TRIM48: variants seen among roughly 807,000 people sequenced by gnomAD.
The protein encoded by TRIM48 is E3 ubiquitin-protein ligase TRIM48.
A neutral mutation model predicts 29.5 loss-of-function variants in TRIM48; 31 were observed. The ratio of observed to expected loss-of-function variants is 1.05; its 90% CI spans 0.79 to 1.42. TRIM48 has a LOEUF of 1.42. Ranked by LOEUF, TRIM48 falls within the 40% of genes most tolerant of loss-of-function variation. The probability of loss-of-function intolerance (pLI) is 0.00; values close to 1 mark genes in which losing one functional copy is unlikely to be tolerated. For synonymous variants in TRIM48, 128 were observed against 90.6 expected, an observed-to-expected ratio of 1.41 and a Z score of -2.34; for missense variants, 344 against 265.0, an observed-to-expected ratio of 1.30 and a Z score of -2.07.
intron 4 of TRIM48, 150 bp downstream of exon 4, chr11:55,268,522 C>G (rs1705936432): frequency 1.4e-6 from 1 of 715,096 alleles, no homozygotes; most frequent in Admixed American, 3.0e-5. Flanking sequence ...AAGACAAGAC[C>G]ACTAAGTAAA....
rs543509239 is a variant in TRIM48, at chr11:55,270,326, C to T, written c.*2-111C>T. ...AAGCAAAAGTGTCCTTGTGACTTTA[C>T]GTTTCCTGGTAAATTAACTTTTTGA... On this transcript the variant is annotated intron_variant, in intron 5 of 5. Coordinates refer to ENST00000417545, the MANE Select transcript of TRIM48 (RefSeq NM_024114.5). The T allele has an allele frequency of 9.0e-5, 77 of 854,904 alleles. 10 individuals are homozygous for T. The highest frequency in any genetic ancestry group is 7.6e-4 in the African/African-American group (44 of 57,838). 53.0% of individuals were successfully genotyped at this position (854,904 alleles called of 1,614,324 possible).
At chr11:55,265,725 G>A in intron 3 of TRIM48, 30 bp downstream of exon 3, 3 of 1,562,172 alleles carry the variant, frequency 1.9e-6, no homozygotes, top group Non-Finnish European at 2.6e-6. Context: ...ACCTTCTCCA[G>A]GAACTTATGG....
At chr11:55,268,448 G>T (rs368204051) in intron 4 of TRIM48, 76 bp downstream of exon 4, 3 of 1,373,102 alleles carry the variant, frequency 2.2e-6, no homozygotes, top group East Asian at 5.3e-5. Flanking sequence ...CCAAAGTCAT[G>T]GCATAAACGA....
Position 55,267,508 on chromosome 11 carries a change from G to T in TRIM48, c.556-842G>T. Reference sequence around the variant, plus strand: ...AACATAATTTGGAGATGCTGAAAAAGAAGGGAAAAGATATTTTTCATCAAC... The same window carrying T: ...AACATAATTTGGAGATGCTGAAAAATAAGGGAAAAGATATTTTTCATCAAC... On this transcript the variant is annotated intron_variant, in intron 3 of 5. Coordinates refer to ENST00000417545, the MANE Select transcript of TRIM48 (RefSeq NM_024114.5). 4.4e-6 allele frequency: 7 copies of T among 1,579,414 alleles called. 2 individuals are homozygous for T.
chr11:55,265,466 G>A (rs1857378294), intron 2 of TRIM48, 134 bp from the exon 3 acceptor site: 2 of 1,481,858 alleles, frequency 1.3e-6, no homozygotes, highest in Non-Finnish European at 1.8e-6. Context: ...GATTTGACGA[G>A]GAAGAAGTGA....
intron 1 of TRIM48, 51 bp downstream of exon 1, chr11:55,262,362 A>G: frequency 7.6e-7 from 1 of 1,311,352 alleles, no homozygotes; most frequent in South Asian, 1.3e-5. Context: ...TTTACAAAAT[A>G]ATAAATTAGA....
chr11:55,270,048 T>A lies in TRIM48; in HGVS notation c.*2-389T>A, dbSNP rs146293118. Among the ~76,000 whole-genome samples, 2 of 147,806 alleles carry A rather than the reference T, an allele frequency of 1.4e-5. 1 individual carries two copies. The highest frequency in any genetic ancestry group is 4.9e-4 in the South Asian group (2 of 4,116). On this transcript the variant is annotated intron_variant, in intron 5 of 5. Transcript: ENST00000417545. Reference sequence around the variant, plus strand: ...AGAGCAGTTCTTGAGTAACTGAAAATCTTCACATGCTTTCCAAAATGATGG... The same window carrying A: ...AGAGCAGTTCTTGAGTAACTGAAAAACTTCACATGCTTTCCAAAATGATGG...
rs1857369702 is a variant in TRIM48 at position 55,265,162 on chromosome 11, A to C, written c.307A>C (p.Ser103Arg). The change falls in exon 2 of 6, where the codon AGC (serine) becomes CGC (arginine). Residue 103 changes from serine to arginine, a missense_variant. By Grantham distance (110) the Ser-to-Arg change is moderately radical. Coordinates refer to ENST00000417545, the MANE Select transcript of TRIM48 (RefSeq NM_024114.5). Reference sequence around the variant, plus strand: ...AAAAGCCAGTCTCTGGCTATTCCTGAGCTCTGAGGAGCAAATGTGTGGCAT... The same window carrying C: ...AAAAGCCAGTCTCTGGCTATTCCTGCGCTCTGAGGAGCAAATGTGTGGCAT... ...ARKASLWLFL[S>R]SEEQMCGIHR... 2 of 1,582,666 alleles carry C rather than the reference A, an allele frequency of 1.3e-6. No individual in the cohort carries two copies. The highest frequency in any genetic ancestry group is 1.7e-6 in the Non-Finnish European group (2 of 1,166,160).
At position 55,265,050 on chromosome 11, in the gene TRIM48, T is replaced by C. The variant is rs202123985; in HGVS notation, c.195T>C (p.Leu65=). 3 of 1,584,024 alleles carry C rather than the reference T, an allele frequency of 1.9e-6. No homozygotes were observed. The highest frequency in any genetic ancestry group is 2.6e-6 in the Non-Finnish European group (3 of 1,166,216). ...FYLNWQDIPI[L]TQCFECIKTI... is the part of the protein sequence containing the mutation. ...TCAACTGGCAAGACATCCCAATTCT[T>C]ACTCAGTGCTTTGAATGCATAAAGA... is the stretch of plus-strand genomic sequence containing the variant. The change falls in exon 2 of 6, where the codon CTT becomes CTC. Residue 65 remains leucine, a synonymous_variant. Coordinates refer to ENST00000417545, the MANE Select transcript of TRIM48 (RefSeq NM_024114.5).
chr11:55,264,930 C>A lies in TRIM48; in HGVS notation c.75C>A (p.Phe25Leu). 2.5e-6 allele frequency: 4 copies of A among 1,583,680 alleles called. 1 individual carries two copies. Among genetic ancestry groups the A allele is most frequent in the Non-Finnish European group, 3.4e-6 (4 of 1,166,108 alleles). The change falls in exon 2 of 6, where the codon TTC (phenylalanine) becomes TTA (leucine). Residue 25 changes from phenylalanine (F) to leucine (L), a missense_variant. Coordinates refer to ENST00000417545, the MANE Select transcript of TRIM48 (RefSeq NM_024114.5). The stretch of plus-strand genomic sequence containing the variant: ...TGAATTCTGGAATCTCGCAAGTCTT[C>A]CAGAGGGAACTCACCTGCCCCATCT... ...RNMNSGISQV[F>L]QRELTCPICM...
chr11:55,264,385 C>A (rs201046023), intron 1 of TRIM48, among the ~76,000 whole-genome samples: 1 of 137,820 alleles, frequency 7.3e-6, no homozygotes, highest in Non-Finnish European at 1.6e-5. Context: ...CTGAGATAAA[C>A]GTGCAGGACA....
chr11:55,270,733 G>C lies in TRIM48; in HGVS notation c.*298G>C. The C allele has an allele frequency of 6.4e-7, 1 of 1,564,426 alleles. No homozygotes were observed. The highest frequency in any genetic ancestry group is 1.4e-5 in the African/African-American group (1 of 73,152). On this transcript the variant is annotated 3_prime_UTR_variant, in exon 6 of 6. Coordinates refer to ENST00000417545, the MANE Select transcript of TRIM48 (RefSeq NM_024114.5). ...CTTTAGTCTTGGGTGTGTTAAGAAC[G>C]ACATTCAGTGCAGTCTCTTTACCAC... is the stretch of plus-strand genomic sequence containing the variant.
chr11:55,263,405 C>A (rs929124273), intron 1 of TRIM48, among the ~76,000 whole-genome samples: 6 of 151,962 alleles, frequency 3.9e-5, no homozygotes, highest in African/African-American at 9.7e-5. Flanking sequence ...GTAATCCCAG[C>A]ACTTTTGGAG....
In TRIM48 at chr11:55,262,271, T is replaced by C. The variant is rs1857313460; in HGVS notation, c.4T>C (p.Ser2Pro). Reference protein sequence around the residue: MSRRIIVGTLQR... With the variant: MPRRIIVGTLQR... The stretch of plus-strand genomic sequence containing the variant: ...TTGAGGAGTACTTAACAGAATTATG[T>C]CTCGAAGAATCATTGTGGGAACCCT... Residue 2 changes from serine (S) to proline (P), a missense_variant, in exon 1 of 6, where the codon TCT becomes CCT. Physicochemically the swap from Ser to Pro is moderately conservative, Grantham distance 74. Coordinates refer to ENST00000417545, the MANE Select transcript of TRIM48 (RefSeq NM_024114.5). The C allele has an allele frequency of 4.5e-6, 7 of 1,548,736 alleles. No individual in the cohort carries two copies. The highest frequency in any genetic ancestry group is 1.2e-5 in the South Asian group (1 of 83,962).
At chr11:55,264,798 C>T in intron 1 of TRIM48, 102 bp from the exon 2 acceptor site, 3 of 1,486,872 alleles carry the variant, frequency 2.0e-6, no homozygotes, top group Non-Finnish European at 2.7e-6. Flanking sequence ...CTTTAATGAA[C>T]ACTGTCAAGA....
Position 55,264,990 on chromosome 11 carries a change from C to T in TRIM48, c.135C>T (p.Asp45=). 1 of 1,584,780 alleles carries T rather than the reference C, an allele frequency of 6.3e-7. No homozygotes were observed. The change falls in exon 2 of 6, where the codon GAC becomes GAT. Residue 45 remains aspartate (D), a synonymous_variant. Coordinates refer to ENST00000417545, the MANE Select transcript of TRIM48 (RefSeq NM_024114.5). Reference sequence around the variant, plus strand: ...ACTTCATAGACCCGGTCACCATAGACTGTGGGCACAGCTTTTGCAGGCCCT... The same window carrying T: ...ACTTCATAGACCCGGTCACCATAGATTGTGGGCACAGCTTTTGCAGGCCCT... ...MNYFIDPVTI[D]CGHSFCRPCF...
chr11:55,264,086 C>G (rs1025906422), intron 1 of TRIM48, among the ~76,000 whole-genome samples: 3 of 152,212 alleles, frequency 2.0e-5, no homozygotes, highest in East Asian at 1.9e-4. Flanking sequence ...TCCAGTCAGA[C>G]TGATACCTAA....
rs201463527 is a variant in TRIM48 at position 55,269,287 on chromosome 11, G to C, written c.624G>C (p.Ala208=). 1.1e-5 allele frequency: 18 copies of C among 1,576,110 alleles called. 2 individuals carry two copies. Among genetic ancestry groups the C allele is most frequent in the Admixed American group, 1.7e-5 (1 of 58,522 alleles). The part of the protein sequence containing the change: ...LLHMPQPLNL[A]LRAGPITGLR... Reference sequence around the variant, plus strand: ...ACATGCCCCAGCCTCTGAATCTAGCGCTCAGGGCAGGGCCCATCACTGGAC... The same window carrying C: ...ACATGCCCCAGCCTCTGAATCTAGCCCTCAGGGCAGGGCCCATCACTGGAC... Residue 208 remains alanine, a synonymous_variant, in exon 5 of 6, where the codon GCG becomes GCC. Coordinates refer to ENST00000417545, the MANE Select transcript of TRIM48 (RefSeq NM_024114.5).
chr11:55,265,729 C>T (rs1233711136), intron 3 of TRIM48, 34 bp downstream of exon 3: 1 of 1,549,958 alleles, frequency 6.5e-7, no homozygotes. Flanking sequence ...TCTCCAGGAA[C>T]TTATGGTGGG....
Sources: gnomAD v4.1 joint callset for allele counts (sites outside exome capture counted in the v4.1 genomes callset) on GRCh38, gnomAD v4.1.1 for gene constraint, MANE v1.5 for transcripts, NCBI Gene and HGNC (gene_info 2026-07-23, HGNC 2026-07-21) for gene names.